Variants in CFAP74 observed in about 807,000 individuals in gnomAD.
CFAP74 encodes the protein cilia- and flagella-associated protein 74.
In CFAP74, 124 loss-of-function variants were observed where a neutral mutation model predicts 188.9. The observed-to-expected ratio is 0.66, with a 90% CI of 0.57 to 0.76. The LOEUF is 0.76. Ranked by LOEUF, CFAP74 falls within the 30% of genes least tolerant of loss-of-function variation. CFAP74 has a pLI of 0.00. For synonymous variants in CFAP74, 956 were observed against 916.7 expected, an observed-to-expected ratio of 1.04 and a Z score of -0.77; for missense variants, 2,198 against 2,165.2, an observed-to-expected ratio of 1.02 and a Z score of -0.30.
At chr1:1,986,900 A>G (rs138454482) in intron 5 of CFAP74, 37 bp downstream of exon 5, 25 of 1,565,534 alleles carry the variant, frequency 1.6e-5, no homozygotes, top group Non-Finnish European at 1.9e-5. Flanking sequence ...CCCTGACCTC[A>G]TGCCCGGTTC....
intron 1 of CFAP74, among the ~76,000 whole-genome samples, chr1:2,001,570 C>A (rs1571007404): frequency 6.6e-6 from 1 of 152,326 alleles, no homozygotes; most frequent in East Asian, 1.9e-4. Flanking sequence ...TCGTGATCCG[C>A]CCTCCTCAGC....
chr1:1,968,944 C>A lies in CFAP74; in HGVS notation c.1047-111G>T. ...CTAGCGCCCTCCTGGGGGCTCCGGT[C>A]CTGCCCAGCAGCCCCAGGTGAGACA... On this transcript the variant is annotated intron_variant, in intron 10 of 38. Transcript: ENST00000682832. The surrounding 1 kb of genome is among the most constrained non-coding windows in gnomAD (Gnocchi z 4.3). 1 of 564,836 alleles carries A rather than the reference C, an allele frequency of 1.8e-6. No homozygotes were observed. Among genetic ancestry groups the A allele is most frequent in the Non-Finnish European group, 2.8e-6 (1 of 362,856 alleles). 35.0% of individuals were successfully genotyped at this position (564,836 alleles called of 1,614,324 possible). A position where few individuals can be genotyped will look rare whatever the true frequency, so the allele number is the denominator to read the frequency against.
chr1:1,948,990 CTTCA>C (rs1570890427), intron 18 of CFAP74, among the ~76,000 whole-genome samples: 22 of 110,212 alleles, frequency 2.0e-4, no homozygotes, highest in East Asian at 7.5e-4. Flanking sequence ...CCCTCCTTTC[CTTCA>C]TTCCCTTCCT....
At chr1:1,982,827 G>A (rs1029765460) in intron 6 of CFAP74, among the ~76,000 whole-genome samples, 1 of 152,212 alleles carries the variant, frequency 6.6e-6, no homozygotes, top group African/African-American at 2.4e-5. Context: ...ATAGACCTGT[G>A]GCTTTGGTTG....
chr1:1,924,982 G>A (rs1651746939), intron 33 of CFAP74, among the ~76,000 whole-genome samples: 1 of 151,690 alleles, frequency 6.6e-6, no homozygotes, highest in Admixed American at 6.6e-5. Flanking sequence ...AGGCATGAGG[G>A]CACACGCTGG....
chr1:1,955,919 C>G (rs1654589075), intron 17 of CFAP74, 69 bp from the exon 18 acceptor site: 1 of 1,538,934 alleles, frequency 6.5e-7, no homozygotes, highest in Non-Finnish European at 8.7e-7. Context: ...GCTGCCGGAA[C>G]TCCCATGAGG....
chr1:1,999,543 G>A (rs553176815), intron 1 of CFAP74, among the ~76,000 whole-genome samples: 1 of 152,294 alleles, frequency 6.6e-6, no homozygotes, highest in South Asian at 2.1e-4. Context: ...CAGGCCAGGT[G>A]CAGTGGCTCA....
chr1:1,995,346 G>A (rs1441660737), intron 1 of CFAP74, among the ~76,000 whole-genome samples: 1 of 151,892 alleles, frequency 6.6e-6, no homozygotes, highest in Non-Finnish European at 1.5e-5. Context: ...ACAAAAATTA[G>A]CCGGGCGTGA....
intron 1 of CFAP74, among the ~76,000 whole-genome samples, chr1:1,991,870 T>A (rs1477332594): frequency 6.6e-6 from 1 of 151,466 alleles, no homozygotes; most frequent in Non-Finnish European, 1.5e-5. Flanking sequence ...AAACCCCATC[T>A]CTACTAAAAA....
intron 11 of CFAP74, among the ~76,000 whole-genome samples, chr1:1,967,538 G>T (rs944571291): frequency 1.3e-5 from 2 of 152,120 alleles, no homozygotes; most frequent in African/African-American, 4.8e-5. Context: ...CGTGAGACGG[G>T]CAGTGAGGGG....
In CFAP74 at chr1:1,923,135, C is replaced by T. The variant is rs759928971; in HGVS notation, c.4533G>A (p.Arg1511=). The change falls in exon 37 of 39, where the codon CGG becomes CGA. Residue 1511 remains arginine, a synonymous_variant. Coordinates refer to ENST00000682832, the MANE Select transcript of CFAP74 (RefSeq NM_001304360.2). This position sits in a 1 kb window ranked among gnomAD's most constrained non-coding sequence, Gnocchi z 6.3. ...CAGCTTCTGGAGAGAGAGGGCCTGG[C>T]CGGGAGCTGGCTGGAGGGGTGTGGC... ...FDPRHREASS[R]PGPLSPEAEE... The T allele has an allele frequency of 1.4e-5, 22 of 1,608,296 alleles. No homozygotes were observed. Among genetic ancestry groups the T allele is most frequent in the Non-Finnish European group, 1.9e-5 (22 of 1,178,484 alleles).
chr1:1,971,905 C>T (rs2102081119), intron 9 of CFAP74, 75 bp downstream of exon 9: 2 of 1,200,780 alleles, frequency 1.7e-6, no homozygotes. Context: ...GGCCTGGCTC[C>T]CAAGGAGCAG....
chr1:1,982,216 C>G (rs1268178983), intron 6 of CFAP74, among the ~76,000 whole-genome samples: 31 of 143,816 alleles, frequency 2.2e-4, no homozygotes, highest in Non-Finnish European at 9.2e-5. Context: ...GCCGTGGTCA[C>G]ACGCGGGGAC....
chr1:1,942,198 G>C lies in CFAP74; in HGVS notation c.2487-42C>G. ...GGGCACTGGGTCAGGTGCCACAGTC[G>C]TGATTCTGTGTGCGCTCAATGCCTG... is the stretch of plus-strand genomic sequence containing the variant. On this transcript the variant is annotated intron_variant, in intron 21 of 38. Transcript: ENST00000682832. The surrounding 1 kb of genome is among the most constrained non-coding windows in gnomAD (Gnocchi z 4.3). 6.9e-7 allele frequency: 1 copy of C among 1,440,990 alleles called. No individual in the cohort carries two copies. The highest frequency in any genetic ancestry group is 2.6e-5 in the East Asian group (1 of 37,948). 89.3% of individuals were successfully genotyped at this position (1,440,990 alleles called of 1,614,324 possible).
chr1:1,965,347 G>C (rs1655398235), intron 12 of CFAP74, among the ~76,000 whole-genome samples: 1 of 152,240 alleles, frequency 6.6e-6, no homozygotes, highest in African/African-American at 2.4e-5. Context: ...TCCAGATTCA[G>C]GTGGATTTCT....
intron 20 of CFAP74, among the ~76,000 whole-genome samples, chr1:1,944,890 G>A (rs1170581887): frequency 6.6e-6 from 1 of 152,196 alleles, no homozygotes; most frequent in Non-Finnish European, 1.5e-5. Flanking sequence ...ACAGGCGTGA[G>A]CCACTGCGCC....
chr1:1,962,275 T>G (rs148554370), intron 14 of CFAP74, among the ~76,000 whole-genome samples: 2 of 151,910 alleles, frequency 1.3e-5, no homozygotes, highest in African/African-American at 2.4e-5. Flanking sequence ...CAGGAGTTCA[T>G]GACCAGCCTG....
intron 18 of CFAP74, chr1:1,954,919 AGTGT>A (rs1303784665): frequency 8.4e-7 from 1 of 1,188,304 alleles, no homozygotes; most frequent in Non-Finnish European, 1.1e-6. Context: ...CCTTCGCAAC[AGTGT>A]GTACCACGAA....
At position 1,939,577 on chromosome 1, in the gene CFAP74, C is replaced by T; in HGVS notation, c.2877+17G>A. 1.3e-6 allele frequency: 2 copies of T among 1,532,664 alleles called. No homozygotes were observed. Among genetic ancestry groups the T allele is most frequent in the Non-Finnish European group, 1.7e-6 (2 of 1,144,080 alleles). 94.9% of individuals were successfully genotyped at this position (1,532,664 alleles called of 1,614,324 possible). A position where few individuals can be genotyped will look rare whatever the true frequency, so the allele number is the denominator to read the frequency against. On this transcript the variant is annotated intron_variant, in intron 24 of 38. Coordinates refer to ENST00000682832, the MANE Select transcript of CFAP74 (RefSeq NM_001304360.2). ...CAGCCTCACCCCTCTTACCCCAGGCCTGGCTGCAGGAGGTACCTTGGGAAG... is the reference window on the plus strand; with the variant it reads ...CAGCCTCACCCCTCTTACCCCAGGCTTGGCTGCAGGAGGTACCTTGGGAAG...
Sources: allele counts gnomAD v4.1 joint callset (sites outside exome capture counted in the v4.1 genomes callset), GRCh38; gene constraint gnomAD v4.1.1; non-coding constraint Gnocchi (gnomAD v3.1); transcripts MANE v1.5; gene names NCBI Gene and HGNC (gene_info 2026-07-23, HGNC 2026-07-21).